Variants in NPEPL1 observed in about 807,000 individuals in gnomAD.
The protein encoded by NPEPL1 is aminopeptidase like 1.
In NPEPL1, 45 loss-of-function variants were observed where a neutral mutation model predicts 52.4. The ratio of observed to expected loss-of-function variants is 0.86; its 90% CI spans 0.68 to 1.10. The LOEUF is 1.10. NPEPL1 is among the 50% of genes least tolerant of loss of function. NPEPL1 has a pLI of 0.00. For missense variants in NPEPL1, 696 were observed against 710.9 expected, an observed-to-expected ratio of 0.98 and a Z score of 0.24; for synonymous variants, 360 against 314.7, an observed-to-expected ratio of 1.14 and a Z score of -1.52.
intron 5 of NPEPL1, among the ~76,000 whole-genome samples, chr20:58,699,879 G>C (rs2084578040): frequency 1.3e-5 from 2 of 152,228 alleles, no homozygotes; most frequent in South Asian, 4.1e-4. Context: ...AAATCACTCG[G>C]AAGATAGCAG....
chr20:58,700,867 CAGGGGCAGGAGA>C lies in NPEPL1; in HGVS notation c.680-139_680-128del, dbSNP rs1349020793. On this transcript the variant is annotated intron_variant, in intron 5 of 11. Coordinates refer to ENST00000356091, the MANE Select transcript of NPEPL1 (RefSeq NM_024663.4). ...TTGCATTCCCCAATCCCACACTGGC[CAGGGGCAGGAGA>C]AGGGGCAGGGAGCACCAGGCTCAGG... is the stretch of plus-strand genomic sequence containing the variant. 5 of 687,186 alleles carry C rather than the reference CAGGGGCAGGAGA, an allele frequency of 7.3e-6. No homozygotes were observed. In the Admixed American group the frequency reaches 1.7e-4, roughly 23 times the overall value. The allele number at this position is 687,186 out of a possible 1,614,324, so 42.6% of individuals were successfully genotyped here.
At chr20:58,694,662 G>T in intron 3 of NPEPL1, 70 bp downstream of exon 3, 1 of 1,467,220 alleles carries the variant, frequency 6.8e-7, no homozygotes, top group South Asian at 1.3e-5. Context: ...GGGAGGTCGG[G>T]AGAGGGAAAA....
At chr20:58,694,308 G>A in intron 2 of NPEPL1, 114 bp from the exon 3 acceptor site, 7 of 1,097,398 alleles carry the variant, frequency 6.4e-6, no homozygotes, top group Non-Finnish European at 7.8e-6. Flanking sequence ...GGACATCTCT[G>A]TCTAGATGTC....
upstream of NPEPL1, among the ~76,000 whole-genome samples, chr20:58,690,172 G>T (rs1270419404): frequency 2.0e-5 from 3 of 152,196 alleles, no homozygotes; most frequent in African/African-American, 7.2e-5. Flanking sequence ...ATCCTAGTAA[G>T]TTCTAGGAGC....
In NPEPL1 at chr20:58,715,421, T is replaced by C. The variant is rs2084933387; in HGVS notation, c.*95T>C. On this transcript the variant is annotated 3_prime_UTR_variant, in exon 12 of 12. Transcript: ENST00000356091. ...GAAAGATTGCCCTTCATATGGGTTTTGGTTTGTCTTTCTGGTCGTCAGCGT... is the reference window on the plus strand; with the variant it reads ...GAAAGATTGCCCTTCATATGGGTTTCGGTTTGTCTTTCTGGTCGTCAGCGT... 2 of 1,325,868 alleles carry C rather than the reference T, an allele frequency of 1.5e-6. No individual in the cohort carries two copies. The highest frequency in any genetic ancestry group is 1.5e-5 in the African/African-American group (1 of 66,594). The allele number at this position is 1,325,868 out of a possible 1,614,324, so 82.1% of individuals were successfully genotyped here. A position where few individuals can be genotyped will look rare whatever the true frequency, so the allele number is the denominator to read the frequency against.
Position 58,707,218 on chromosome 20 carries a change from G to A in NPEPL1, c.900+18G>A, listed in dbSNP as rs961542318. 82 of 1,542,056 alleles carry A rather than the reference G, an allele frequency of 5.3e-5. No homozygotes were observed. Among genetic ancestry groups the A allele is most frequent in the Non-Finnish European group, 6.6e-5 (75 of 1,142,592 alleles). The stretch of plus-strand genomic sequence containing the variant: ...TCAAGCAGGTGAGTGGGCCCTGCCC[G>A]CCCTCTGCAGGGGCATCCTGGGTGT... On this transcript the variant is annotated intron_variant, in intron 7 of 11. Coordinates refer to ENST00000356091, the MANE Select transcript of NPEPL1 (RefSeq NM_024663.4).
Position 58,713,428 on chromosome 20 carries a change from A to G in NPEPL1, c.1010A>G (p.Glu337Gly). The G allele has an allele frequency of 6.2e-7, 1 of 1,607,050 alleles. No individual in the cohort carries two copies. Among genetic ancestry groups the G allele is most frequent in the Non-Finnish European group, 8.5e-7 (1 of 1,176,762 alleles). ...IHLLYSGKTV[E>G]INNTDAEGRL... Reference sequence around the variant, plus strand: ...TCTCTACCATGCCCCAGGACGGTGGAAATCAACAACACGGATGCCGAGGGC... The same window carrying G: ...TCTCTACCATGCCCCAGGACGGTGGGAATCAACAACACGGATGCCGAGGGC... Residue 337 changes from glutamate to glycine, a missense_variant, in exon 9 of 12, where the codon GAA becomes GGA. Coordinates refer to ENST00000356091, the MANE Select transcript of NPEPL1 (RefSeq NM_024663.4). The surrounding 1 kb of genome is among the most constrained non-coding windows in gnomAD (Gnocchi z 4.6).
In NPEPL1 at chr20:58,715,291, C is replaced by A. The variant is rs6026468; in HGVS notation, c.1537C>A (p.Leu513Met). ...TGAGGTGGATGTCGAGGAGGGGGAC[C>A]TGGGGAGGGACTCCAAGAGACGCAG... ...GCEVDVEEGD[L>M]GRDSKRRRLV is the part of the protein sequence containing the mutation. Residue 513 changes from leucine to methionine, a missense_variant, in exon 12 of 12, where the codon CTG becomes ATG. Leu to Met is a conservative substitution (Grantham distance 15). Transcript: ENST00000356091. 2,121 of 1,609,930 alleles carry A rather than the reference C, an allele frequency of 1.3e-3. 2 individuals carry two copies. Among genetic ancestry groups the A allele is most frequent in the Non-Finnish European group, 1.6e-3 (1,879 of 1,178,420 alleles).
chr20:58,693,811 C>A lies in NPEPL1; in HGVS notation c.225C>A (p.Thr75=), dbSNP rs3746396. The A allele has an allele frequency of 0.38, 608,126 of 1,613,544 alleles. 117,150 individuals are homozygous for A. Among genetic ancestry groups the A allele is most frequent in the East Asian group, 0.44 (19,555 of 44,842 alleles). ...GTCCCCTCTACCTGAACTACGCCAC[C>A]GTGGCTGCCCTGCCCTGCAGGGTGA... ...DSCPLYLNYA[T]VAALPCRVSR... Residue 75 remains threonine, a synonymous_variant, in exon 2 of 12, where the codon ACC becomes ACA. Transcript: ENST00000356091.
chr20:58,700,998 T>TC lies in NPEPL1; in HGVS notation c.680-14dup, dbSNP rs769221078. The TC allele has an allele frequency of 1.8e-5, 28 of 1,548,974 alleles. No homozygotes were observed. The African/African-American group carries it at 3.7e-4, about 21-fold the overall frequency. On this transcript the variant is annotated splice_polypyrimidine_tract_variant and intron_variant, in intron 5 of 11. Transcript: ENST00000356091. ...GCTCAGCCCGAGCCTAACCCAGTTC[T>TC]CCCCACGCTTTCCATAGGAATCTAT...
At chr20:58,714,213 C>T in intron 10 of NPEPL1, 120 bp downstream of exon 10, 2 of 1,129,600 alleles carry the variant, frequency 1.8e-6, no homozygotes, top group Non-Finnish European at 2.4e-6. Context: ...AGCCACAGTG[C>T]AGACGAGGGC....
In NPEPL1 at chr20:58,715,265, G is replaced by T; in HGVS notation, c.1511G>T (p.Cys504Phe). ...PLLNLVSPLG[C>F]EVDVEEGDLG... ...CTGAACCTGGTGTCCCCACTGGGCTGTGAGGTGGATGTCGAGGAGGGGGAC... is the reference window on the plus strand; with the variant it reads ...CTGAACCTGGTGTCCCCACTGGGCTTTGAGGTGGATGTCGAGGAGGGGGAC... The change falls in exon 12 of 12, where the codon TGT (cysteine) becomes TTT (phenylalanine). Residue 504 changes from cysteine (C) to phenylalanine (F), a missense_variant. Cys to Phe is a radical substitution (Grantham distance 205). Coordinates refer to ENST00000356091, the MANE Select transcript of NPEPL1 (RefSeq NM_024663.4). 1 of 1,611,326 alleles carries T rather than the reference G, an allele frequency of 6.2e-7. No individual in the cohort carries two copies. Among genetic ancestry groups the T allele is most frequent in the South Asian group, 1.1e-5 (1 of 90,646 alleles).
chr20:58,712,382 C>T (rs1162984619), intron 7 of NPEPL1, 97 bp from the exon 8 acceptor site: 1 of 772,774 alleles, frequency 1.3e-6, no homozygotes, highest in Non-Finnish European at 2.3e-6. Flanking sequence ...ATCTCTCTCT[C>T]TCCTGCTGTC....
upstream of NPEPL1, chr20:58,691,852 A>G (rs754831880): frequency 2.0e-6 from 3 of 1,479,788 alleles, no homozygotes; most frequent in South Asian, 2.4e-5. Context: ...TTGCTTTTAA[A>G]TGACTCCTGG....
upstream of NPEPL1, chr20:58,692,662 C>A (rs1425719017): frequency 3.5e-6 from 1 of 287,024 alleles, no homozygotes; most frequent in East Asian, 1.8e-4. The surrounding 1 kb of genome is among the most constrained non-coding windows in gnomAD (Gnocchi z 5.7). Flanking sequence ...TCGGGGCCGG[C>A]TTCGGGCCTG....
upstream of NPEPL1, among the ~76,000 whole-genome samples, chr20:58,689,950 A>G (rs2084319947): frequency 6.6e-6 from 1 of 152,268 alleles, no homozygotes; most frequent in Non-Finnish European, 1.5e-5. Flanking sequence ...AATACGAAGC[A>G]GATGCACCGA....
At chr20:58,698,424 G>A (rs2084535474) in intron 3 of NPEPL1, among the ~76,000 whole-genome samples, 1 of 152,192 alleles carries the variant, frequency 6.6e-6, no homozygotes, top group East Asian at 1.9e-4. Flanking sequence ...CAGGACCCCA[G>A]GCTGGGGACT....
At chr20:58,700,293 A>G (rs534047523) in intron 5 of NPEPL1, among the ~76,000 whole-genome samples, 95 of 152,336 alleles carry the variant, frequency 6.2e-4, no homozygotes, top group Admixed American at 1.0e-3. Context: ...GGGACTGCAC[A>G]AGGACATGAA....
At chr20:58,711,830 T>C (rs954340325) in intron 7 of NPEPL1, among the ~76,000 whole-genome samples, 12 of 152,346 alleles carry the variant, frequency 7.9e-5, no homozygotes, top group African/African-American at 2.6e-4. Context: ...TCTCGAGGCA[T>C]GCTCCATGCT....
Sources: gnomAD v4.1 joint callset for allele counts (sites outside exome capture counted in the v4.1 genomes callset) on GRCh38, gnomAD v4.1.1 for gene constraint, Gnocchi (gnomAD v3.1) non-coding constraint, MANE v1.5 for transcripts, NCBI Gene and HGNC (gene_info 2026-07-23, HGNC 2026-07-21) for gene names.